CAMTA1: variants seen among roughly 807,000 people sequenced by gnomAD.
CAMTA1 encodes the protein calmodulin binding transcription activator 1.
A neutral mutation model predicts 170.9 loss-of-function variants in CAMTA1; 27 were observed. The ratio of observed to expected loss-of-function variants is 0.16; its 90% CI spans 0.12 to 0.22. CAMTA1 has a LOEUF of 0.22. CAMTA1 is among the 10% of genes least tolerant of loss of function. The pLI is 1.00. For missense variants in CAMTA1, 1,619 were observed against 2,217.2 expected (o/e 0.73, Z 5.42); for synonymous variants, 833 against 891.5 (o/e 0.93, Z 1.17).
chr1:6,941,844 C>T (rs1334811917), intron 3 of CAMTA1, among the ~76,000 whole-genome samples: 1 of 152,210 alleles, frequency 6.6e-6, no homozygotes, highest in African/African-American at 2.4e-5. Context: ...CCCATGTGTC[C>T]ACTATAGGCA....
chr1:7,284,793 A>C lies in CAMTA1; in HGVS notation c.438+35167A>C, dbSNP rs1256127911. On this transcript the variant is annotated intron_variant, in intron 5 of 22. Transcript: ENST00000303635. ...TTTCCTCGCTTTACCTCCTTCTTGC[A>C]CTCTTCAGGTCGTAACTCAACAACT... is the stretch of plus-strand genomic sequence containing the variant. Among the ~76,000 whole-genome samples the C allele has an allele frequency of 2.0e-5, 3 of 151,754 alleles. No individual in the cohort carries two copies. In the East Asian group the frequency reaches 5.8e-4, roughly 29 times the overall value.
chr1:7,205,147 G>T (rs1203115643), intron 4 of CAMTA1, among the ~76,000 whole-genome samples: 1 of 150,036 alleles, frequency 6.7e-6, no homozygotes, highest in African/African-American at 2.5e-5. Flanking sequence ...CACTCTTGTT[G>T]TCCAGGCTGG....
chr1:7,377,451 A>C (rs939920247), intron 5 of CAMTA1, among the ~76,000 whole-genome samples: 1 of 152,210 alleles, frequency 6.6e-6, no homozygotes, highest in African/African-American at 2.4e-5. Context: ...GACTGTAGTC[A>C]TCTCAGGCCC....
At chr1:7,495,392 AGGAG>A (rs1557812451) in intron 6 of CAMTA1, among the ~76,000 whole-genome samples, 2 of 152,176 alleles carry the variant, frequency 1.3e-5, no homozygotes, top group South Asian at 4.1e-4. Flanking sequence ...GCGTAGGGAG[AGGAG>A]GCGATGAATT....
chr1:7,618,985 C>A lies in CAMTA1; in HGVS notation c.511-21415C>A, dbSNP rs185175040. Among the ~76,000 whole-genome samples, 135 of 152,108 alleles carry A rather than the reference C, an allele frequency of 8.9e-4. 2 individuals are homozygous for A. The highest frequency in any genetic ancestry group is 6.8e-3 in the Middle Eastern group (2 of 294). ...AATAAGGGATTTATTCACATTTGAC[C>A]AAAAAATTTGCATCTCAAACAGAAA... On this transcript the variant is annotated intron_variant, in intron 6 of 22. Coordinates refer to ENST00000303635, the MANE Select transcript of CAMTA1 (RefSeq NM_015215.4).
chr1:7,387,901 C>T (rs1055545467), intron 5 of CAMTA1, among the ~76,000 whole-genome samples: 7 of 152,152 alleles, frequency 4.6e-5, no homozygotes, highest in Non-Finnish European at 1.0e-4. Flanking sequence ...CTTGGCTTTT[C>T]GCAGATAATG....
chr1:7,305,493 T>C (rs920627155), intron 5 of CAMTA1, among the ~76,000 whole-genome samples: 5 of 152,042 alleles, frequency 3.3e-5, no homozygotes, highest in African/African-American at 1.2e-4. Context: ...CCATAGGTTT[T>C]GTCTTTTTGA....
At chr1:6,876,563 A>G (rs776343258) in intron 3 of CAMTA1, among the ~76,000 whole-genome samples, 8 of 151,998 alleles carry the variant, frequency 5.3e-5, no homozygotes, top group Non-Finnish European at 1.0e-4. Flanking sequence ...GGATTTCACT[A>G]TGTTGGCTAG....
intron 6 of CAMTA1, among the ~76,000 whole-genome samples, chr1:7,468,160 C>T (rs1457444247): frequency 6.6e-6 from 1 of 152,202 alleles, no homozygotes; most frequent in Non-Finnish European, 1.5e-5. Flanking sequence ...CTAGGTGCTT[C>T]CAGCTTCCAA....
chr1:7,310,867 A>C (rs1676624162), intron 5 of CAMTA1, among the ~76,000 whole-genome samples: 1 of 151,458 alleles, frequency 6.6e-6, no homozygotes, highest in Admixed American at 6.6e-5. Flanking sequence ...AGTAGCTGGG[A>C]CTACAGGTGC....
intron 3 of CAMTA1, among the ~76,000 whole-genome samples, chr1:6,859,635 C>G (rs1430378399): frequency 6.6e-6 from 1 of 151,984 alleles, no homozygotes; most frequent in African/African-American, 2.4e-5. Context: ...ACAAAATAAA[C>G]AAAATTAGCT....
At chr1:7,698,944 C>G (rs2096408669) in intron 11 of CAMTA1, 2 of 152,280 alleles carry the variant, frequency 1.3e-5, no homozygotes, top group African/African-American at 4.8e-5. Context: ...CCACTGCACC[C>G]CACATTGGCC....
intron 5 of CAMTA1, among the ~76,000 whole-genome samples, chr1:7,261,666 C>G (rs1668191919): frequency 6.6e-6 from 1 of 152,284 alleles, no homozygotes; most frequent in South Asian, 2.1e-4. Context: ...TCTCAAATAA[C>G]AGAGTCAGGG....
At chr1:7,747,904 TTG>T (rs1337492148) in intron 19 of CAMTA1, 123 bp downstream of exon 19, 9 of 504,058 alleles carry the variant, frequency 1.8e-5, no homozygotes, top group Non-Finnish European at 3.0e-5. Flanking sequence ...TGTTTTTTGG[TTG>T]TTTTTTTTTT....
At chr1:7,197,679 A>ACACACACTC (rs1573827133) in intron 4 of CAMTA1, among the ~76,000 whole-genome samples, 1 of 48,234 alleles carries the variant, frequency 2.1e-5, no homozygotes, top group African/African-American at 6.0e-5. Flanking sequence ...CACACACACA[A>ACACACACTC]TCTACTTGCT....
rs72505016 is a variant in CAMTA1 at position 7,680,812 on chromosome 1, G to GT, written c.2914+3079_2914+3080insT. Among the ~76,000 whole-genome samples, 1 of 101,394 alleles carries GT rather than the reference G, an allele frequency of 9.9e-6. No individual in the cohort carries two copies. The highest frequency in any genetic ancestry group is 1.1e-4 in the Admixed American group (1 of 9,198). The allele number at this position is 101,394 out of a possible 152,430, so 66.5% of individuals were successfully genotyped here. A position where few individuals can be genotyped will look rare whatever the true frequency, so the allele number is the denominator to read the frequency against. ...ATTTGTTTGCTTGGCTAAAGGCCGG[G>GT]GGGGGGCGTGGGTCCGGGGCGCAGA... On this transcript the variant is annotated intron_variant, in intron 11 of 22. Coordinates refer to ENST00000303635, the MANE Select transcript of CAMTA1 (RefSeq NM_015215.4). This position sits in a 1 kb window ranked among gnomAD's most constrained non-coding sequence, Gnocchi z 4.4.
At chr1:6,981,088 G>A (rs1694363323) in intron 3 of CAMTA1, among the ~76,000 whole-genome samples, 1 of 152,056 alleles carries the variant, frequency 6.6e-6, no homozygotes, top group African/African-American at 2.4e-5. Context: ...AGCCCCCAAT[G>A]AGCAAACGCA....
At chr1:7,138,474 G>A (rs913453419) in intron 4 of CAMTA1, among the ~76,000 whole-genome samples, 2 of 152,168 alleles carry the variant, frequency 1.3e-5, no homozygotes, top group African/African-American at 4.8e-5. Flanking sequence ...TTAGAAAACA[G>A]TCGATGCTAA....
intron 5 of CAMTA1, among the ~76,000 whole-genome samples, chr1:7,337,252 A>G (rs1464604172): frequency 1.3e-5 from 2 of 152,218 alleles, no homozygotes; most frequent in African/African-American, 4.8e-5. Context: ...CGACTGCCAC[A>G]TCGTCCTCTT....
Sources: gnomAD v4.1 joint callset for allele counts (sites outside exome capture counted in the v4.1 genomes callset) on GRCh38, gnomAD v4.1.1 for gene constraint, Gnocchi (gnomAD v3.1) non-coding constraint, MANE v1.5 for transcripts, NCBI Gene and HGNC (gene_info 2026-07-23, HGNC 2026-07-21) for gene names.